RABEPK: variants seen among roughly 807,000 people sequenced by gnomAD.
RABEPK encodes Rab9 effector protein with kelch motifs, also known as 40 kDa Rab9 effector protein.
In RABEPK, 27 loss-of-function variants were observed where a neutral mutation model predicts 34.1. The ratio of observed to expected loss-of-function variants is 0.79; its 90% CI spans 0.58 to 1.09. RABEPK has a LOEUF of 1.09. Among genes scored for constraint, RABEPK ranks in the 50% least tolerant of loss-of-function variants. The probability of loss-of-function intolerance (pLI) is 0.00; values close to 1 mark genes in which losing one functional copy is unlikely to be tolerated. For synonymous variants in RABEPK, 172 were observed against 169.2 expected, an observed-to-expected ratio of 1.02 and a Z score of -0.13; for missense variants, 449 against 462.6, an observed-to-expected ratio of 0.97 and a Z score of 0.27.
At position 125,203,010 on chromosome 9, in the gene RABEPK, C is replaced by T; in HGVS notation, c.-4C>T. The T allele has an allele frequency of 6.2e-7, 1 of 1,613,500 alleles. No homozygotes were observed. Among genetic ancestry groups the T allele is most frequent in the Admixed American group, 1.7e-5 (1 of 59,976 alleles). The stretch of plus-strand genomic sequence containing the variant: ...GTGCCTTTCTTTCTTATGCATAGGA[C>T]ACCATGAAGCAACTGCCAGTCTTGG... On this transcript the variant is annotated splice_region_variant and 5_prime_UTR_variant, in exon 2 of 8. Transcript: ENST00000373538.
intron 6 of RABEPK, among the ~76,000 whole-genome samples, chr9:125,229,380 C>A (rs1832019430): frequency 6.6e-6 from 1 of 151,984 alleles, no homozygotes; most frequent in Non-Finnish European, 1.5e-5. Flanking sequence ...TTGCCGTGAG[C>A]TGATTGCACC....
At chr9:125,220,184 G>C in intron 4 of RABEPK, 2 of 602,390 alleles carry the variant, frequency 3.3e-6, no homozygotes, top group Non-Finnish European at 4.9e-6. Context: ...ATTTTTAGTA[G>C]AGATGGGGTT....
In RABEPK at chr9:125,232,720, G is replaced by A. The variant is rs1363747283; in HGVS notation, c.801G>A (p.Leu267=). The change falls in exon 7 of 8, where the codon CTG becomes CTA. Residue 267 remains leucine (L), a synonymous_variant. Coordinates refer to ENST00000373538, the MANE Select transcript of RABEPK (RefSeq NM_005833.4). Reference sequence around the variant, plus strand: ...GTGGAATGACTCCTGCAGGAGCACTGGACACAATGTACCAGTATCACACAG... The same window carrying A: ...GTGGAATGACTCCTGCAGGAGCACTAGACACAATGTACCAGTATCACACAG... ...IFGGMTPAGA[L]DTMYQYHTEE... 6.2e-7 allele frequency: 1 copy of A among 1,613,918 alleles called. No individual in the cohort carries two copies. The highest frequency in any genetic ancestry group is 1.1e-5 in the South Asian group (1 of 91,012).
In RABEPK at chr9:125,200,579, TA is replaced by T; in HGVS notation, c.-333del. The T allele has an allele frequency of 4.8e-6, 2 of 416,010 alleles. No individual in the cohort carries two copies. Among genetic ancestry groups the T allele is most frequent in the South Asian group, 3.5e-5 (2 of 56,634 alleles). The allele number at this position is 416,010 out of a possible 1,614,324, so 25.8% of individuals were successfully genotyped here. A position where few individuals can be genotyped will look rare whatever the true frequency, so the allele number is the denominator to read the frequency against. On this transcript the variant is annotated 5_prime_UTR_variant, in exon 1 of 8. Transcript: ENST00000373538. ...CGCGACTGGCCTAAGTCGCCGCAGG[TA>T]TTGCAGTCCGGGGCTGGAGGGTAGG...
chr9:125,205,367 T>G lies in RABEPK; in HGVS notation c.54-2197T>G, dbSNP rs74381711. On this transcript the variant is annotated intron_variant, in intron 2 of 7. Transcript: ENST00000373538. Reference sequence around the variant, plus strand: ...AAGGGCTATCAAGGCAGGGACTTTTTTTTGTTATATCCACCATCTCTGGAT... The same window carrying G: ...AAGGGCTATCAAGGCAGGGACTTTTGTTTGTTATATCCACCATCTCTGGAT... 0.018 allele frequency among the ~76,000 whole-genome samples: 2,717 copies of G among 152,310 alleles called. 162 individuals are homozygous for G. In the East Asian group the frequency reaches 0.22, roughly 13 times the overall value.
At chr9:125,209,830 A>G (rs1482914556) in intron 3 of RABEPK, among the ~76,000 whole-genome samples, 1 of 152,104 alleles carries the variant, frequency 6.6e-6, no homozygotes, top group Non-Finnish European at 1.5e-5. Flanking sequence ...TTCAGATTAA[A>G]TGTCACTTCT....
intron 6 of RABEPK, among the ~76,000 whole-genome samples, chr9:125,230,229 G>T (rs1385220706): frequency 6.6e-6 from 1 of 152,168 alleles, no homozygotes; most frequent in Non-Finnish European, 1.5e-5. Flanking sequence ...CTCTCAAAGT[G>T]CTGGGATTAT....
intron 6 of RABEPK, among the ~76,000 whole-genome samples, chr9:125,230,088 C>T (rs566859455): frequency 1.3e-5 from 2 of 152,122 alleles, no homozygotes; most frequent in South Asian, 4.2e-4. Context: ...CTCAGCCTCC[C>T]GGGTAGCTGG....
At chr9:125,223,696 G>A (rs925341840) in intron 5 of RABEPK, among the ~76,000 whole-genome samples, 4 of 139,718 alleles carry the variant, frequency 2.9e-5, no homozygotes, top group Admixed American at 2.3e-4. Context: ...CTGCACTCCA[G>A]CCTTTGCAGT....
intron 4 of RABEPK, among the ~76,000 whole-genome samples, chr9:125,216,168 C>G (rs1317430290): frequency 2.0e-5 from 3 of 152,050 alleles, no homozygotes; most frequent in Non-Finnish European, 4.4e-5. Context: ...TGGTGCATGC[C>G]TGTAGTCCCA....
chr9:125,207,674 G>T lies in RABEPK; in HGVS notation c.164G>T (p.Gly55Val), dbSNP rs770086390. ...AKRGKVFIVG[G>V]ANPNRSFSDV... ...AGAGGGAAGGTCTTCATTGTTGGGGGAGCAAATCCAAACAGAAGCTTCTCA... is the reference window on the plus strand; with the variant it reads ...AGAGGGAAGGTCTTCATTGTTGGGGTAGCAAATCCAAACAGAAGCTTCTCA... Residue 55 changes from glycine to valine, a missense_variant, in exon 3 of 8, where the codon GGA (glycine) becomes GTA (valine). By Grantham distance (109) the Gly-to-Val change is moderately radical. Coordinates refer to ENST00000373538, the MANE Select transcript of RABEPK (RefSeq NM_005833.4). 7.4e-6 allele frequency: 12 copies of T among 1,614,054 alleles called. No individual in the cohort carries two copies. In the Admixed American group the frequency reaches 1.2e-4, roughly 16 times the overall value.
chr9:125,215,524 G>A (rs986052010), intron 4 of RABEPK, among the ~76,000 whole-genome samples: 3 of 151,760 alleles, frequency 2.0e-5, no homozygotes. Flanking sequence ...GTTGCCCAAG[G>A]TGGTCTCAAA....
intron 4 of RABEPK, 51 bp downstream of exon 4, chr9:125,213,573 G>GCA (rs142997998): frequency 5.5e-4 from 753 of 1,378,212 alleles, no homozygotes; most frequent in Middle Eastern, 7.2e-4. Context: ...AAACTTTCAT[G>GCA]CACACACACA....
Position 125,233,054 on chromosome 9 carries a change from G to A in RABEPK, c.826+309G>A, listed in dbSNP as rs1832317359. On this transcript the variant is annotated intron_variant, in intron 7 of 7. Coordinates refer to ENST00000373538, the MANE Select transcript of RABEPK (RefSeq NM_005833.4). Reference sequence around the variant, plus strand: ...GATCACACCACTGCACTCCAGCCTGGTGACAGAGCGAGACTCTGTCTCAAA... The same window carrying A: ...GATCACACCACTGCACTCCAGCCTGATGACAGAGCGAGACTCTGTCTCAAA... Among the ~76,000 whole-genome samples, 3 of 149,924 alleles carry A rather than the reference G, an allele frequency of 2.0e-5. No homozygotes were observed. The Admixed American group carries it at 2.0e-4, about 10-fold the overall frequency.
At chr9:125,211,853 C>T (rs943935909) in intron 3 of RABEPK, among the ~76,000 whole-genome samples, 4 of 152,090 alleles carry the variant, frequency 2.6e-5, no homozygotes, top group Non-Finnish European at 5.9e-5. Context: ...CTTTTAATCC[C>T]AGCTACTTGG....
At position 125,210,596 on chromosome 9, in the gene RABEPK, C is replaced by G. The variant is rs532863280; in HGVS notation, c.212-2774C>G. 3.8e-3 allele frequency among the ~76,000 whole-genome samples: 568 copies of G among 148,176 alleles called. 3 individuals carry two copies. Among genetic ancestry groups the G allele is most frequent in the Non-Finnish European group, 5.9e-3 (399 of 67,196 alleles). ...TTAGCTGGGCATGATGGCTTGTGCCCGTAGTCCCAGCTGAGGCAGGAGAAT... is the reference window on the plus strand; with the variant it reads ...TTAGCTGGGCATGATGGCTTGTGCCGGTAGTCCCAGCTGAGGCAGGAGAAT... On this transcript the variant is annotated intron_variant, in intron 3 of 7. Coordinates refer to ENST00000373538, the MANE Select transcript of RABEPK (RefSeq NM_005833.4).
At chr9:125,231,323 A>C (rs1207951484) in intron 6 of RABEPK, among the ~76,000 whole-genome samples, 1 of 152,112 alleles carries the variant, frequency 6.6e-6, no homozygotes, top group African/African-American at 2.4e-5. Context: ...GTTTGAAAAG[A>C]TGCAAGTTTC....
intron 5 of RABEPK, among the ~76,000 whole-genome samples, chr9:125,224,676 G>A (rs973227855): frequency 2.8e-4 from 43 of 151,932 alleles, no homozygotes; most frequent in African/African-American, 7.7e-4. Context: ...GGATGGTCTC[G>A]ATCTCCTGAC....
At position 125,206,168 on chromosome 9, in the gene RABEPK, C is replaced by A. The variant is rs555849724; in HGVS notation, c.54-1396C>A. ...CAGCTACAGAATTTTCTTTTCCAATCAGGAAGCTTCAAGTGTGTTTTCTCA... is the reference window on the plus strand; with the variant it reads ...CAGCTACAGAATTTTCTTTTCCAATAAGGAAGCTTCAAGTGTGTTTTCTCA... On this transcript the variant is annotated intron_variant, in intron 2 of 7. Transcript: ENST00000373538. Among the ~76,000 whole-genome samples, 11 of 152,170 alleles carry A rather than the reference C, an allele frequency of 7.2e-5. No homozygotes were observed. The South Asian group carries it at 2.3e-3, about 32-fold the overall frequency.
Sources: allele counts gnomAD v4.1 joint callset (sites outside exome capture counted in the v4.1 genomes callset), GRCh38; gene constraint gnomAD v4.1.1; transcripts MANE v1.5; gene names NCBI Gene and HGNC (gene_info 2026-07-23, HGNC 2026-07-21).